ERCC5: variants seen among roughly 807,000 people sequenced by gnomAD.
ERCC5 encodes the protein ERCC excision repair 5, endonuclease, also known as DNA excision repair protein ERCC-5.
Under a neutral mutation model 105.6 loss-of-function variants are expected in ERCC5, and 68 were observed. The observed-to-expected ratio is 0.64, with a 90% confidence interval of 0.53 to 0.79. The LOEUF (loss-of-function observed/expected upper bound fraction) is 0.79. Ranked by LOEUF, ERCC5 falls within the 30% of genes least tolerant of loss-of-function variation. The probability of loss-of-function intolerance (pLI) is 0.00; values close to 1 mark genes in which losing one functional copy is unlikely to be tolerated. For synonymous variants in ERCC5, 546 were observed against 526.2 expected (o/e 1.04, Z -0.51); for missense variants, 1,373 against 1,426.7 (o/e 0.96, Z 0.61).
At chr13:102,857,689 T>C (rs1033216886) in intron 5 of ERCC5, among the ~76,000 whole-genome samples, 4 of 152,232 alleles carry the variant, frequency 2.6e-5, no homozygotes, top group Non-Finnish European at 4.4e-5. Flanking sequence ...ATGGGAATGA[T>C]ATATATTGCT....
At chr13:102,868,324 A>T in intron 12 of ERCC5, 67 bp downstream of exon 12, 1 of 1,594,414 alleles carries the variant, frequency 6.3e-7, no homozygotes. Flanking sequence ...TAGAACTATT[A>T]TTTACAGCAT....
intron 4 of ERCC5, among the ~76,000 whole-genome samples, chr13:102,855,828 C>T (rs1308696480): frequency 2.0e-5 from 3 of 152,144 alleles, no homozygotes; most frequent in Non-Finnish European, 4.4e-5. Flanking sequence ...CTCCCTATTG[C>T]ATCTCTAGTG....
intron 1 of ERCC5, among the ~76,000 whole-genome samples, chr13:102,851,835 A>T (rs1414018441): frequency 6.6e-6 from 1 of 151,196 alleles, no homozygotes; most frequent in African/African-American, 2.4e-5. Flanking sequence ...GCAATCACTT[A>T]TTTTTTTTTA....
At chr13:102,857,292 G>C (rs1483101781) in intron 5 of ERCC5, among the ~76,000 whole-genome samples, 1 of 152,172 alleles carries the variant, frequency 6.6e-6, no homozygotes, top group Non-Finnish European at 1.5e-5. Context: ...AAAAAGACCT[G>C]CGTTTCAGTC....
chr13:102,866,694 C>T lies in ERCC5; in HGVS notation c.2382C>T (p.Cys794=), dbSNP rs766402784. The T allele has an allele frequency of 6.8e-6, 11 of 1,614,094 alleles. No homozygotes were observed. Among genetic ancestry groups the T allele is most frequent in the Non-Finnish European group, 8.5e-6 (10 of 1,180,050 alleles). ...IQAPMEAEAQ[C]AILDLTDQTS... ...CTCCCATGGAAGCAGAGGCGCAGTGCGCCATCCTGGACCTGACTGATCAGA... is the reference window on the plus strand; with the variant it reads ...CTCCCATGGAAGCAGAGGCGCAGTGTGCCATCCTGGACCTGACTGATCAGA... The change falls in exon 11 of 15, where the codon TGC becomes TGT. Residue 794 remains cysteine (C), a synonymous_variant. Transcript: ENST00000652225.
Position 102,872,397 on chromosome 13 carries a change from G to A in ERCC5, c.2878G>A (p.Glu960Lys), listed in dbSNP as rs121434570. ...GAAACCTGATCTCGACAAAATTAGAGAATATCCTTTGCTTCTTAAAAGAGA... is the reference window on the plus strand; with the variant it reads ...GAAACCTGATCTCGACAAAATTAGAAAATATCCTTTGCTTCTTAAAAGAGA... Reference protein sequence around the residue: ...WGKPDLDKIREFCQRYFGWNR... With the variant: ...WGKPDLDKIRKFCQRYFGWNR... The change falls in exon 13 of 15, where the codon GAA (glutamate) becomes AAA (lysine). Residue 960 changes from glutamate to lysine, a missense_variant and splice_region_variant. Coordinates refer to ENST00000652225, the MANE Select transcript of ERCC5 (RefSeq NM_000123.4). The A allele has an allele frequency of 1.2e-6, 2 of 1,614,188 alleles. No homozygotes were observed. The highest frequency in any genetic ancestry group is 1.3e-5 in the African/African-American group (1 of 75,046).
At chr13:102,861,379 A>G in intron 6 of ERCC5, 128 bp from the exon 7 acceptor site, 1 of 953,150 alleles carries the variant, frequency 1.0e-6, no homozygotes, top group Non-Finnish European at 1.6e-6. Context: ...ACCTTTTATA[A>G]TATGAAACTA....
Position 102,862,335 on chromosome 13 carries a change from G to A in ERCC5, c.1186G>A (p.Asp396Asn). The change falls in exon 8 of 15, where the codon GAC (aspartate) becomes AAC (asparagine). Residue 396 changes from aspartate (D) to asparagine (N), a missense_variant. Asp to Asn is a conservative substitution (Grantham distance 23). This residue lies in a region of ERCC5 where 1,004 missense variants were observed against 1,059.7 expected (regional missense o/e 0.95). Coordinates refer to ENST00000652225, the MANE Select transcript of ERCC5 (RefSeq NM_000123.4). ...TCTTTCAGCCATTAAGAGAGCTCTT[G>A]ACGATGACGAAGATGTAAAAGTGTG... ...RTLSAIKRALDDDEDVKVCAG... is the reference protein window; with the variant it reads ...RTLSAIKRALNDDEDVKVCAG... The A allele has an allele frequency of 6.2e-7, 1 of 1,614,168 alleles. No homozygotes were observed. Among genetic ancestry groups the A allele is most frequent in the Non-Finnish European group, 8.5e-7 (1 of 1,180,042 alleles).
At chr13:102,850,446 G>A (rs1882161695) in intron 1 of ERCC5, among the ~76,000 whole-genome samples, 1 of 152,098 alleles carries the variant, frequency 6.6e-6, no homozygotes, top group Admixed American at 6.6e-5. Context: ...AGTGAGCAGA[G>A]GCCAGATCAT....
Position 102,863,112 on chromosome 13 carries a change from C to CT in ERCC5, c.1954+10dup. ...AGAAAGTGAATCTGATGGTACGTGT[C>CT]TGTGCTTTTGTAGAAATCTGGAACG... On this transcript the variant is annotated intron_variant, in intron 8 of 14. Transcript: ENST00000652225. 6.2e-7 allele frequency: 1 copy of CT among 1,612,068 alleles called. No homozygotes were observed.
At chr13:102,850,148 TCTC>T in intron 1 of ERCC5, among the ~76,000 whole-genome samples, 2 of 152,236 alleles carry the variant, frequency 1.3e-5, no homozygotes, top group Non-Finnish European at 2.9e-5. Flanking sequence ...ATGGTCTCGA[TCTC>T]CTGACCTCAG....
chr13:102,874,585 G>C (rs568773117), intron 14 of ERCC5: 2 of 152,332 alleles, frequency 1.3e-5, no homozygotes, highest in African/African-American at 4.8e-5. Flanking sequence ...GCAGTGGTGA[G>C]AACTCGGCTC....
intron 13 of ERCC5, 135 bp from the exon 14 acceptor site, chr13:102,873,124 A>G (rs2140539688): frequency 1.1e-6 from 1 of 949,216 alleles, no homozygotes; most frequent in Non-Finnish European, 1.6e-6. Context: ...ACTTTCTTTT[A>G]GCACTCTAAT....
Position 102,862,266 on chromosome 13 carries a change from A to G in ERCC5, c.1117A>G (p.Asn373Asp). ...AAATCGAAGGCAGGCCCGTGGGAGG[A>G]ACGCACCTGCTGCTGTAGACGAAGG... is the stretch of plus-strand genomic sequence containing the variant. ...SENRRQARGR[N>D]APAAVDEGSI... Residue 373 changes from asparagine to aspartate, a missense_variant, in exon 8 of 15, where the codon AAC (asparagine) becomes GAC (aspartate). Coordinates refer to ENST00000652225, the MANE Select transcript of ERCC5 (RefSeq NM_000123.4). 4 of 1,614,028 alleles carry G rather than the reference A, an allele frequency of 2.5e-6. No individual in the cohort carries two copies. The highest frequency in any genetic ancestry group is 3.4e-6 in the Non-Finnish European group (4 of 1,179,954).
intron 13 of ERCC5, 28 bp from the exon 14 acceptor site, chr13:102,873,231 A>C: frequency 6.2e-7 from 1 of 1,613,636 alleles, no homozygotes; most frequent in Non-Finnish European, 8.5e-7. Flanking sequence ...TATCTTTCAA[A>C]ATATTTATAA....
Position 102,861,557 on chromosome 13 carries a change from C to A in ERCC5, c.723C>A (p.Asn241Lys), listed in dbSNP as rs1882618438. 1 of 1,614,102 alleles carries A rather than the reference C, an allele frequency of 6.2e-7. No individual in the cohort carries two copies. The highest frequency in any genetic ancestry group is 8.5e-7 in the Non-Finnish European group (1 of 1,180,002). Residue 241 changes from asparagine to lysine, a missense_variant, in exon 7 of 15, where the codon AAC becomes AAA. By Grantham distance (94) the Asn-to-Lys change is moderately conservative (BLOSUM62 0). This residue lies in a region of ERCC5 where 1,004 missense variants were observed against 1,059.7 expected (regional missense o/e 0.95). Transcript: ENST00000652225. ...QYQLKGLLKK[N>K]YLNQHIEHVQ... ...AACTCAAAGGCTTGCTTAAAAAGAA[C>A]TATCTGAACCAGCATATAGAACATG...
chr13:102,849,361 T>A (rs776813992), intron 1 of ERCC5: 4 of 519,046 alleles, frequency 7.7e-6, no homozygotes, highest in South Asian at 5.6e-5. Context: ...CCGTATCACC[T>A]CCTGCCATTC....
intron 1 of ERCC5, chr13:102,849,219 G>A (rs747766459): frequency 2.1e-5 from 11 of 518,636 alleles, no homozygotes; most frequent in Admixed American, 1.2e-4. Flanking sequence ...ATCTCTTCTC[G>A]TGGTCTCCAC....
intron 10 of ERCC5, 45 bp downstream of exon 10, chr13:102,866,426 C>T (rs760428729): frequency 2.5e-6 from 4 of 1,613,772 alleles, no homozygotes; most frequent in South Asian, 1.1e-5. Context: ...TTCTTCAGAC[C>T]CCTGGGGGAA....
Sources: allele counts gnomAD v4.1 joint callset (sites outside exome capture counted in the v4.1 genomes callset), GRCh38; gene constraint gnomAD v4.1.1; regional missense constraint gnomAD v4.1.1; transcripts MANE v1.5; gene names NCBI Gene and HGNC (gene_info 2026-07-23, HGNC 2026-07-21).